The following ANKRD18B variants were observed in gnomAD, a reference collection of about 807,000 sequenced individuals.
The protein encoded by ANKRD18B is ankyrin repeat domain 18B.
A neutral mutation model predicts 111.8 loss-of-function variants in ANKRD18B; 75 were observed. That is an observed-to-expected ratio of 0.67 (90% confidence interval 0.56 to 0.81). ANKRD18B has a LOEUF of 0.81. Ranked by LOEUF, ANKRD18B falls within the 40% of genes least tolerant of loss-of-function variation. The pLI is 0.00. For synonymous variants in ANKRD18B, 356 were observed against 417.3 expected (o/e 0.85, Z 1.79); for missense variants, 1,038 against 1,225.5 (o/e 0.85, Z 2.28).
Position 33,548,645 on chromosome 9 carries a change from A to C in ANKRD18B, c.1857A>C (p.Gln619His). The change falls in exon 11 of 19, where the codon CAA (glutamine) becomes CAC (histidine). Residue 619 changes from glutamine (Q) to histidine (H), a missense_variant. By Grantham distance (24) the Gln-to-His change is conservative. This residue lies in a region of ANKRD18B where 524 missense variants were observed against 677.9 expected (regional missense o/e 0.77). Transcript: ENST00000684830. ...KQNSSEERIR[Q>H]RELENLLLER... ...ACTCTTCAGAGGAGAGAATACGTCA[A>C]CGAGAACTTGAAAATCTCTTGCTTG... 2 of 1,551,404 alleles carry C rather than the reference A, an allele frequency of 1.3e-6. No individual in the cohort carries two copies. Among genetic ancestry groups the C allele is most frequent in the Non-Finnish European group, 8.7e-7 (1 of 1,146,706 alleles).
chr9:33,570,393 A>T (rs945849724), intron 17 of ANKRD18B, among the ~76,000 whole-genome samples: 1 of 151,734 alleles, frequency 6.6e-6, no homozygotes, highest in Non-Finnish European at 1.5e-5. Flanking sequence ...AAACCTCAGC[A>T]TTCCTCAATA....
At chr9:33,524,896 T>C (rs1828004898) in intron 1 of ANKRD18B, among the ~76,000 whole-genome samples, 2 of 152,370 alleles carry the variant, frequency 1.3e-5, no homozygotes, top group African/African-American at 4.8e-5. Context: ...AAGTTAAGCA[T>C]ATCTACGTTT....
At chr9:33,574,889 G>GATAAA (rs1828838577), downstream of ANKRD18B, among the ~76,000 whole-genome samples, 1 of 152,164 alleles carries the variant, frequency 6.6e-6, no homozygotes, top group East Asian at 1.9e-4. Flanking sequence ...CACTCTTGCT[G>GATAAA]AGTCCCCATC....
chr9:33,529,550 G>A (rs1252271082), intron 3 of ANKRD18B, among the ~76,000 whole-genome samples: 1 of 152,142 alleles, frequency 6.6e-6, no homozygotes, highest in Non-Finnish European at 1.5e-5. Context: ...TATTGCTGCT[G>A]ATGGTTTTCT....
chr9:33,566,644 T>G, intron 15 of ANKRD18B, 144 bp downstream of exon 15: 1 of 963,082 alleles, frequency 1.0e-6, no homozygotes, highest in Non-Finnish European at 1.5e-6. Context: ...AAAAGTGACG[T>G]TTTTTCCTTT....
chr9:33,563,007 A>G (rs1446375028), intron 14 of ANKRD18B, among the ~76,000 whole-genome samples: 1 of 152,136 alleles, frequency 6.6e-6, no homozygotes, highest in South Asian at 2.1e-4. Context: ...TTGAGGGGAA[A>G]TTGTAAGGAG....
chr9:33,533,690 A>G, intron 4 of ANKRD18B, 145 bp downstream of exon 4: 2 of 1,392,572 alleles, frequency 1.4e-6, no homozygotes, highest in South Asian at 3.6e-5. Flanking sequence ...ATAATCAGGT[A>G]GAAAAGAAGT....
chr9:33,543,232 A>G lies in ANKRD18B; in HGVS notation c.1126A>G (p.Arg376Gly). Residue 376 changes from arginine to glycine, a missense_variant, in exon 10 of 19, where the codon AGA becomes GGA. Transcript: ENST00000684830. ...AGAGGAAAAGCAAGAAAGGCTTGAA[A>G]GAAGTGAAAATAAACAGCCGCAGGT... is the stretch of plus-strand genomic sequence containing the variant. ...ASEEKQERLERSENKQPQDSQ... is the reference protein window; with the variant it reads ...ASEEKQERLEGSENKQPQDSQ... The G allele has an allele frequency of 6.4e-7, 1 of 1,552,580 alleles. No individual in the cohort carries two copies. Among genetic ancestry groups the G allele is most frequent in the Non-Finnish European group, 8.7e-7 (1 of 1,147,314 alleles).
intron 10 of ANKRD18B, among the ~76,000 whole-genome samples, chr9:33,546,010 A>T (rs1362492373): frequency 6.6e-6 from 1 of 152,214 alleles, no homozygotes; most frequent in Non-Finnish European, 1.5e-5. Flanking sequence ...TCCAAGTGGC[A>T]TATGGGCTGG....
At chr9:33,537,987 G>A (rs1418960629) in intron 6 of ANKRD18B, among the ~76,000 whole-genome samples, 1 of 152,196 alleles carries the variant, frequency 6.6e-6, no homozygotes, top group East Asian at 1.9e-4. Flanking sequence ...TGAGGAGGAA[G>A]AAAATGGTTG....
At chr9:33,527,329 G>GTTTGT (rs1828039635) in intron 1 of ANKRD18B, among the ~76,000 whole-genome samples, 1 of 151,760 alleles carries the variant, frequency 6.6e-6, no homozygotes, top group Non-Finnish European at 1.5e-5. Flanking sequence ...TTGTTTGTTT[G>GTTTGT]TTTTCTTTTT....
In ANKRD18B at chr9:33,543,225, G is replaced by A. The variant is rs532775133; in HGVS notation, c.1119G>A (p.Arg373=). The A allele has an allele frequency of 1.1e-5, 17 of 1,552,666 alleles. No individual in the cohort carries two copies. The Admixed American group carries it at 2.9e-4, about 27-fold the overall frequency. ...TGGCTTCAGAGGAAAAGCAAGAAAGGCTTGAAAGAAGTGAAAATAAACAGC... is the reference window on the plus strand; with the variant it reads ...TGGCTTCAGAGGAAAAGCAAGAAAGACTTGAAAGAAGTGAAAATAAACAGC... The part of the protein sequence containing the change: ...LKVASEEKQE[R]LERSENKQPQ... Residue 373 remains arginine, a synonymous_variant, in exon 10 of 19, where the codon AGG becomes AGA. Transcript: ENST00000684830.
intron 14 of ANKRD18B, among the ~76,000 whole-genome samples, chr9:33,562,559 G>T (rs1187927166): frequency 6.6e-6 from 1 of 151,918 alleles, no homozygotes; most frequent in Non-Finnish European, 1.5e-5. Flanking sequence ...TAAAAATCAG[G>T]TAATATTCAG....
chr9:33,555,191 G>C (rs1828504400), intron 12 of ANKRD18B, among the ~76,000 whole-genome samples: 1 of 152,068 alleles, frequency 6.6e-6, no homozygotes, highest in African/African-American at 2.4e-5. Context: ...AAAGAGAAAT[G>C]GTTAATAGAC....
intron 3 of ANKRD18B, among the ~76,000 whole-genome samples, chr9:33,530,178 C>T (rs1157246203): frequency 6.6e-6 from 1 of 152,176 alleles, no homozygotes; most frequent in African/African-American, 2.4e-5. Context: ...TGATTGTCTG[C>T]TGCAGTATTT....
intron 14 of ANKRD18B, 49 bp downstream of exon 14, chr9:33,558,236 G>C: frequency 1.3e-6 from 2 of 1,550,700 alleles, no homozygotes; most frequent in South Asian, 1.2e-5. Context: ...TTACATGTGT[G>C]AGAGGTACAG....
chr9:33,527,587 T>G (rs950704227), intron 1 of ANKRD18B, among the ~76,000 whole-genome samples: 1 of 152,216 alleles, frequency 6.6e-6, no homozygotes, highest in Non-Finnish European at 1.5e-5. Flanking sequence ...CCCAAAATGC[T>G]GGGATTACAG....
intron 3 of ANKRD18B, among the ~76,000 whole-genome samples, chr9:33,532,954 G>A (rs536942704): frequency 2.2e-3 from 340 of 152,280 alleles, no homozygotes; most frequent in Non-Finnish European, 4.1e-3. Flanking sequence ...CTTTTTGTTA[G>A]GGTACAGTTC....
chr9:33,547,825 T>C (rs1828382743), intron 10 of ANKRD18B, 113 bp from the exon 11 acceptor site: 2 of 752,024 alleles, frequency 2.7e-6, no homozygotes, highest in Admixed American at 7.5e-5. Context: ...CAGTTGGTTA[T>C]CCACTTACAG....
Sources: allele counts gnomAD v4.1 joint callset (sites outside exome capture counted in the v4.1 genomes callset), GRCh38; gene constraint gnomAD v4.1.1; regional missense constraint gnomAD v4.1.1; transcripts MANE v1.5; gene names NCBI Gene and HGNC (gene_info 2026-07-23, HGNC 2026-07-21).